The following PTPRK variants were observed in gnomAD, a reference collection of about 807,000 sequenced individuals.
PTPRK encodes the protein protein tyrosine phosphatase receptor type K, also known as receptor-type tyrosine-protein phosphatase kappa.
Under a neutral mutation model 178.0 loss-of-function variants are expected in PTPRK, and 75 were observed. The observed-to-expected ratio is 0.42, with a 90% CI of 0.35 to 0.51. The LOEUF (loss-of-function observed/expected upper bound fraction) is 0.51, where lower values mean the gene tolerates loss of function less well. Ranked by LOEUF, PTPRK falls within the 20% of genes least tolerant of loss-of-function variation. PTPRK has a pLI of 0.02. For synonymous variants in PTPRK, 637 were observed against 620.6 expected, an observed-to-expected ratio of 1.03 and a Z score of -0.39; for missense variants, 1,441 against 1,797.8, an observed-to-expected ratio of 0.80 and a Z score of 3.59.
intron 4 of PTPRK, among the ~76,000 whole-genome samples, chr6:128,242,319 A>G (rs1194099619): frequency 6.6e-6 from 1 of 152,226 alleles, no homozygotes; most frequent in Non-Finnish European, 1.5e-5. Flanking sequence ...TAATAGGTAT[A>G]CAATTAGTTA....
intron 1 of PTPRK, among the ~76,000 whole-genome samples, chr6:128,398,134 G>A (rs1458006935): frequency 6.6e-6 from 1 of 152,154 alleles, no homozygotes; most frequent in Non-Finnish European, 1.5e-5. Context: ...CACACTGTGG[G>A]AGTGCGCGAG....
Position 128,226,761 on chromosome 6 carries a change from C to CATATATATATATAT in PTPRK, c.694-7679_694-7666dup, listed in dbSNP as rs71028117. On this transcript the variant is annotated intron_variant, in intron 5 of 29. Coordinates refer to ENST00000368226, the MANE Select transcript of PTPRK (RefSeq NM_002844.4). ...ATATGTAATCTTATAATTATATAGA[C>CATATATATATATAT]ATATATATATATATATATATATATA... 4.0e-3 allele frequency among the ~76,000 whole-genome samples: 437 copies of CATATATATATATAT among 109,484 alleles called. 7 individuals are homozygous for CATATATATATATAT. Among genetic ancestry groups the CATATATATATATAT allele is most frequent in the Non-Finnish European group, 5.3e-3 (285 of 54,088 alleles). 71.8% of individuals were successfully genotyped at this position (109,484 alleles called of 152,430 possible). A position where few individuals can be genotyped will look rare whatever the true frequency, so the allele number is the denominator to read the frequency against.
intron 1 of PTPRK, among the ~76,000 whole-genome samples, chr6:128,471,117 G>C (rs961442786): frequency 2.6e-5 from 4 of 151,686 alleles, no homozygotes; most frequent in Non-Finnish European, 5.9e-5. Context: ...CTGTTCTCTG[G>C]GCTTTAAATG....
chr6:128,481,253 G>A (rs1191799756), intron 1 of PTPRK, among the ~76,000 whole-genome samples: 3 of 151,994 alleles, frequency 2.0e-5, no homozygotes, highest in African/African-American at 7.2e-5. Flanking sequence ...GAAATATGTG[G>A]CCAATTATTT....
intron 10 of PTPRK, 150 bp downstream of exon 10, chr6:128,082,287 A>T (rs1784963333): frequency 5.9e-6 from 4 of 682,044 alleles, no homozygotes; most frequent in Non-Finnish European, 9.8e-6. Flanking sequence ...TATTCAAATA[A>T]TTATTTAAAG....
At position 128,427,772 on chromosome 6, in the gene PTPRK, G is replaced by A. The variant is rs79197277; in HGVS notation, c.101-30084C>T. Among the ~76,000 whole-genome samples, 1,048 of 152,144 alleles carry A rather than the reference G, an allele frequency of 6.9e-3. 9 individuals are homozygous for A. Among genetic ancestry groups the A allele is most frequent in the African/African-American group, 0.024 (1,011 of 41,526 alleles). ...CCTCCACACAGCCAGGATCAACCAC[G>A]ACCATCAGCTAGCAAGACAATATAA... On this transcript the variant is annotated intron_variant, in intron 1 of 29. Transcript: ENST00000368226.
chr6:128,047,974 C>G (rs547391934), intron 13 of PTPRK, among the ~76,000 whole-genome samples: 50 of 152,222 alleles, frequency 3.3e-4, no homozygotes, highest in African/African-American at 1.2e-3. Context: ...ACACCATATC[C>G]TGATAAAACA....
At position 128,110,269 on chromosome 6, in the gene PTPRK, A is replaced by T. The variant is rs1313975032; in HGVS notation, c.1163-20277T>A. ...TGGCCCCTGATAAAATTAATGATAA[A>T]TATTATGCACTCAAAGAATCAGGAC... On this transcript the variant is annotated intron_variant, in intron 7 of 29. Coordinates refer to ENST00000368226, the MANE Select transcript of PTPRK (RefSeq NM_002844.4). 2.0e-5 allele frequency among the ~76,000 whole-genome samples: 3 copies of T among 152,100 alleles called. No homozygotes were observed. In the East Asian group the frequency reaches 5.8e-4, roughly 29 times the overall value.
chr6:128,388,245 C>G (rs1839048161), intron 2 of PTPRK, among the ~76,000 whole-genome samples: 1 of 152,124 alleles, frequency 6.6e-6, no homozygotes, highest in African/African-American at 2.4e-5. Context: ...AACTAAGAAC[C>G]TCTTTTTCTT....
Position 127,982,929 on chromosome 6 carries a change from C to A in PTPRK, c.3439G>T (p.Glu1147Ter). ...DAILEACLCGETAIPVCEFKA... is the reference protein window; with the variant it reads ...DAILEACLCG ...AATTCACAGACAGGTATGGCAGTTT[C>A]TCCACATAAGCAGGCTTCTAAAATG... Residue 1147 changes from glutamate (E) to a stop codon, truncating the protein, a stop_gained, in exon 24 of 30, where the codon GAA becomes TAA. Transcript: ENST00000368226. LOFTEE classifies it high-confidence loss of function. 1 of 1,613,174 alleles carries A rather than the reference C, an allele frequency of 6.2e-7. No individual in the cohort carries two copies. The highest frequency in any genetic ancestry group is 8.5e-7 in the Non-Finnish European group (1 of 1,179,328).
At chr6:127,988,897 G>A (rs989332837) in intron 21 of PTPRK, among the ~76,000 whole-genome samples, 2 of 151,598 alleles carry the variant, frequency 1.3e-5, no homozygotes, top group African/African-American at 2.4e-5. Context: ...TGATTTCAGA[G>A]CACATTTCAA....
intron 1 of PTPRK, among the ~76,000 whole-genome samples, chr6:128,455,418 G>C (rs1263087628): frequency 6.6e-6 from 1 of 152,060 alleles, no homozygotes; most frequent in Non-Finnish European, 1.5e-5. Context: ...TTCCCACTTA[G>C]GGGCTACAGT....
chr6:128,076,559 T>C (rs533181577), intron 11 of PTPRK, among the ~76,000 whole-genome samples: 1 of 152,150 alleles, frequency 6.6e-6, no homozygotes, highest in Non-Finnish European at 1.5e-5. Flanking sequence ...TTGTTTATAT[T>C]ATTATTAAAT....
At position 127,998,923 on chromosome 6, in the gene PTPRK, C is replaced by A; in HGVS notation, c.2495-19G>T. 1.3e-6 allele frequency: 2 copies of A among 1,502,954 alleles called. No homozygotes were observed. The highest frequency in any genetic ancestry group is 1.3e-5 in the South Asian group (1 of 75,818). The allele number at this position is 1,502,954 out of a possible 1,614,324, so 93.1% of individuals were successfully genotyped here. A position where few individuals can be genotyped will look rare whatever the true frequency, so the allele number is the denominator to read the frequency against. ...TTCTCATCTGGCATTTTTCAGATTT[C>A]AGAAGATTAAAAAAGAGACAAAGTT... is the stretch of plus-strand genomic sequence containing the variant. On this transcript the variant is annotated intron_variant, in intron 15 of 29. Transcript: ENST00000368226.
At chr6:128,076,147 G>A (rs537025353) in intron 11 of PTPRK, among the ~76,000 whole-genome samples, 1 of 151,982 alleles carries the variant, frequency 6.6e-6, no homozygotes, top group African/African-American at 2.4e-5. Context: ...TACATTTGAA[G>A]TGAGTGATGG....
At position 128,134,576 on chromosome 6, in the gene PTPRK, C is replaced by T. The variant is rs182052546; in HGVS notation, c.1163-44584G>A. 2.8e-3 allele frequency among the ~76,000 whole-genome samples: 428 copies of T among 152,148 alleles called. 3 individuals are homozygous for T. Among genetic ancestry groups the T allele is most frequent in the African/African-American group, 9.6e-3 (397 of 41,510 alleles). ...CTGTAATCCCAGCACTTAGGGAGGC[C>T]GAGGCAGGCTGACCACTTGAGCTCA... On this transcript the variant is annotated intron_variant, in intron 7 of 29. Transcript: ENST00000368226.
At chr6:128,503,763 A>G (rs925261019) in intron 1 of PTPRK, among the ~76,000 whole-genome samples, 2 of 151,954 alleles carry the variant, frequency 1.3e-5, no homozygotes, top group African/African-American at 4.8e-5. Flanking sequence ...GCCTTTAACT[A>G]CTGAGCTCAA....
chr6:128,311,777 T>G (rs1460068636), intron 3 of PTPRK, among the ~76,000 whole-genome samples: 1 of 152,048 alleles, frequency 6.6e-6, no homozygotes, highest in Non-Finnish European at 1.5e-5. Flanking sequence ...AGATCAACTT[T>G]TACTGGACCC....
At chr6:128,501,743 C>G (rs137977314) in intron 1 of PTPRK, among the ~76,000 whole-genome samples, 5,869 of 152,162 alleles carry the variant, frequency 0.039, 161 homozygotes, top group Middle Eastern at 0.071. Context: ...GTGAAATAAT[C>G]AAAAGTAACT....
Sources: allele counts gnomAD v4.1 joint callset (sites outside exome capture counted in the v4.1 genomes callset), GRCh38; gene constraint gnomAD v4.1.1; transcripts MANE v1.5; gene names NCBI Gene and HGNC (gene_info 2026-07-23, HGNC 2026-07-21).